PLTP: variants seen among roughly 807,000 people sequenced by gnomAD.
PLTP encodes phospholipid transfer protein.
PLTP carries 43 observed loss-of-function variants against 54.1 expected under a neutral mutation model. The observed-to-expected ratio is 0.79, with a 90% CI of 0.62 to 1.02. PLTP has a LOEUF of 1.02. PLTP is among the 50% of genes least tolerant of loss of function. The probability of loss-of-function intolerance (pLI) is 0.00; values close to 1 mark genes in which losing one functional copy is unlikely to be tolerated. For synonymous variants in PLTP, 263 were observed against 264.6 expected, an observed-to-expected ratio of 0.99 and a Z score of 0.06; for missense variants, 604 against 645.9, an observed-to-expected ratio of 0.94 and a Z score of 0.70.
At chr20:45,899,807 G>GGGCCCGCGCC in intron 13 of PLTP, 29 bp downstream of exon 13, 1 of 1,369,468 alleles carries the variant, frequency 7.3e-7, no homozygotes, top group Non-Finnish European at 1.0e-6. Flanking sequence ...CACGAACCCA[G>GGGCCCGCGCC]CCCAGCCCAC....
In PLTP at chr20:45,899,043, A is replaced by G. The variant is rs767556195; in HGVS notation, c.1380T>C (p.Ala460=). The change falls in exon 16 of 16, where the codon GCT becomes GCC. Residue 460 remains alanine (A), a synonymous_variant. Coordinates refer to ENST00000372431, the MANE Select transcript of PLTP (RefSeq NM_006227.4). ...TNHAGFLTIG[A]DLHFAKGLRE... is the part of the protein sequence containing the mutation. Reference sequence around the variant, plus strand: ...GCAGCCCTTTGGCAAAGTGGAGATCAGCCCCGATGGTGAGGAATCCCTGTG... The same window carrying G: ...GCAGCCCTTTGGCAAAGTGGAGATCGGCCCCGATGGTGAGGAATCCCTGTG... 2.5e-6 allele frequency: 4 copies of G among 1,614,220 alleles called. No individual in the cohort carries two copies. Among genetic ancestry groups the G allele is most frequent in the Non-Finnish European group, 2.5e-6 (3 of 1,180,020 alleles).
At position 45,904,977 on chromosome 20, in the gene PLTP, C is replaced by T. The variant is rs1270877970; in HGVS notation, c.847G>A (p.Ala283Thr). 6.2e-7 allele frequency: 1 copy of T among 1,614,130 alleles called. No homozygotes were observed. Among genetic ancestry groups the T allele is most frequent in the Non-Finnish European group, 8.5e-7 (1 of 1,180,048 alleles). ...FDSAMESYFR[A>T]GALQLLLVGD... The stretch of plus-strand genomic sequence containing the variant: ...ACCAGCAACAGCTGCAGGGCCCCCG[C>T]CCGGAAGTAGCTCTCCATGGCAGAG... The change falls in exon 9 of 16, where the codon GCG (alanine) becomes ACG (threonine). Residue 283 changes from alanine (A) to threonine (T), a missense_variant. Coordinates refer to ENST00000372431, the MANE Select transcript of PLTP (RefSeq NM_006227.4).
intron 8 of PLTP, 51 bp downstream of exon 8, chr20:45,906,217 A>G: frequency 1.6e-6 from 2 of 1,262,090 alleles, no homozygotes; most frequent in Non-Finnish European, 2.3e-6. Flanking sequence ...TTAGCAGAGA[A>G]AGAGGTCTTG....
Position 45,902,524 on chromosome 20 carries a change from G to A in PLTP, c.1023C>T (p.Gly341=). ...APPRCTIKPS[G]TTISVTASVT... ...CGCTAGCAGTGACAGAGATGGTGGT[G>A]CCAGAGGGCTTGATGGTGCAGCGCG... The change falls in exon 11 of 16, where the codon GGC becomes GGT. Residue 341 remains glycine, a synonymous_variant. Coordinates refer to ENST00000372431, the MANE Select transcript of PLTP (RefSeq NM_006227.4). The A allele has an allele frequency of 1.2e-6, 2 of 1,614,164 alleles. No individual in the cohort carries two copies. The highest frequency in any genetic ancestry group is 1.7e-6 in the Non-Finnish European group (2 of 1,179,974).
At chr20:45,909,887 C>T (rs1332018437) in intron 4 of PLTP, 55 bp downstream of exon 4, 4 of 1,605,732 alleles carry the variant, frequency 2.5e-6, no homozygotes, top group Non-Finnish European at 3.4e-6. Flanking sequence ...AGCCCCACAG[C>T]ACCTCCAGCC....
At chr20:45,901,880 C>T (rs1355746927) in intron 12 of PLTP, among the ~76,000 whole-genome samples, 1 of 131,938 alleles carries the variant, frequency 7.6e-6, no homozygotes, top group Non-Finnish European at 1.6e-5. Context: ...GCCTGGGCAA[C>T]AAGAGCGAAA....
At chr20:45,910,951 C>A in intron 3 of PLTP, 12 of 1,451,658 alleles carry the variant, frequency 8.3e-6, no homozygotes, top group Non-Finnish European at 1.1e-5. Flanking sequence ...CAAGGCCACG[C>A]CCATCTGCCT....
intron 12 of PLTP, among the ~76,000 whole-genome samples, chr20:45,900,858 C>T (rs902060122): frequency 2.0e-5 from 3 of 152,170 alleles, no homozygotes; most frequent in Non-Finnish European, 4.4e-5. Context: ...TATTAGTAAA[C>T]TGTTTTAAAA....
At chr20:45,910,523 G>T (rs1039501844) in intron 3 of PLTP, among the ~76,000 whole-genome samples, 5 of 151,458 alleles carry the variant, frequency 3.3e-5, no homozygotes, top group Non-Finnish European at 7.4e-5. Context: ...GCTGAGGCAG[G>T]AAAATCGCTT....
intron 4 of PLTP, 90 bp downstream of exon 4, chr20:45,909,852 C>T: frequency 2.6e-6 from 4 of 1,543,804 alleles, no homozygotes; most frequent in Non-Finnish European, 3.6e-6. Context: ...AACGGAAACT[C>T]AGGAAGGCTA....
In PLTP at chr20:45,909,984, G is replaced by A; in HGVS notation, c.287C>T (p.Ser96Phe). The A allele has an allele frequency of 6.2e-7, 1 of 1,614,104 alleles. No individual in the cohort carries two copies. The highest frequency in any genetic ancestry group is 2.2e-5 in the East Asian group (1 of 44,872). Residue 96 changes from serine to phenylalanine, a missense_variant, in exon 4 of 16, where the codon TCC becomes TTC. By Grantham distance (155) the Ser-to-Phe change is radical. Coordinates refer to ENST00000372431, the MANE Select transcript of PLTP (RefSeq NM_006227.4). ...QELMLQITNA[S>F]LGLRFRRQLL... ...CTGTCTCCGGAAGCGCAGCCCCAAG[G>A]AGGCATTGGTGATTTGAAGCATCAG...
At chr20:45,911,653 T>C in intron 1 of PLTP, 190 bp from the exon 2 acceptor site, 1 of 730,478 alleles carries the variant, frequency 1.4e-6, no homozygotes, top group Non-Finnish European at 2.2e-6. Flanking sequence ...GCGACTTGCG[T>C]TCTGGCTCCC....
rs11569652 is a variant in PLTP at position 45,902,261 on chromosome 20, G to A, written c.1175+6C>T. On this transcript the variant is annotated splice_donor_region_variant and intron_variant, in intron 12 of 15. Transcript: ENST00000372431. The stretch of plus-strand genomic sequence containing the variant: ...CACTGAGGTGCAGGGAAGTGCGCCT[G>A]CCTACCTGCGCAGGTCCAGCTGCGT... The A allele has an allele frequency of 1.2e-6, 2 of 1,613,610 alleles. No homozygotes were observed. The highest frequency in any genetic ancestry group is 3.3e-5 in the Admixed American group (2 of 60,016).
At position 45,899,035 on chromosome 20, in the gene PLTP, T is replaced by A. The variant is rs1234744885; in HGVS notation, c.1388A>T (p.His463Leu). ...CACCTCTCGCAGCCCTTTGGCAAAG[T>A]GGAGATCAGCCCCGATGGTGAGGAA... ...AGFLTIGADL[H>L]FAKGLREVIE... Residue 463 changes from histidine to leucine, a missense_variant, in exon 16 of 16, where the codon CAC becomes CTC. Coordinates refer to ENST00000372431, the MANE Select transcript of PLTP (RefSeq NM_006227.4). 6.2e-7 allele frequency: 1 copy of A among 1,614,124 alleles called. No homozygotes were observed. Among genetic ancestry groups the A allele is most frequent in the Admixed American group, 1.7e-5 (1 of 60,016 alleles).
chr20:45,899,711 G>A (rs747650570), intron 13 of PLTP, 26 bp from the exon 14 acceptor site: 32 of 1,613,878 alleles, frequency 2.0e-5, no homozygotes, highest in Non-Finnish European at 2.7e-5. Context: ...GCGGAAACAG[G>A]GCAGTGAGTC....
intron 8 of PLTP, 148 bp from the exon 9 acceptor site, chr20:45,905,266 T>G: frequency 1.4e-6 from 1 of 698,326 alleles, no homozygotes; most frequent in South Asian, 1.8e-5. Context: ...GCACATCTCT[T>G]AAAAGGCATT....
rs999565072 is a variant in PLTP at position 45,912,078 on chromosome 20, C to G, written c.-12+1G>C. 6.4e-6 allele frequency: 1 copy of G among 155,504 alleles called. No homozygotes were observed. Among genetic ancestry groups the G allele is most frequent in the Non-Finnish European group, 1.4e-5 (1 of 70,102 alleles). 9.6% of individuals were successfully genotyped at this position (155,504 alleles called of 1,614,324 possible). ...CGGGATAGGGACGCGCCCCAACTCA[C>G]TCAGCGGTGGAGCTGGGGGGCGGCG... On this transcript the variant is annotated splice_donor_variant, in intron 1 of 15. Coordinates refer to ENST00000372431, the MANE Select transcript of PLTP (RefSeq NM_006227.4). LOFTEE classifies it low-confidence loss of function (5UTR_SPLICE).
chr20:45,899,096 A>G (rs1219935490), intron 15 of PLTP, 33 bp from the exon 16 acceptor site: 4 of 1,613,898 alleles, frequency 2.5e-6, no homozygotes, highest in Non-Finnish European at 2.5e-6. Context: ...TCATTTATTC[A>G]TTCAGTTATT....
intron 5 of PLTP, among the ~76,000 whole-genome samples, chr20:45,908,487 T>A (rs1028482436): frequency 2.0e-5 from 3 of 151,972 alleles, no homozygotes; most frequent in African/African-American, 7.3e-5. Flanking sequence ...AAGAACAATA[T>A]CCCCTTCTCA....
Sources: gnomAD v4.1 joint callset for allele counts (sites outside exome capture counted in the v4.1 genomes callset) on GRCh38, gnomAD v4.1.1 for gene constraint, MANE v1.5 for transcripts, NCBI Gene and HGNC (gene_info 2026-07-23, HGNC 2026-07-21) for gene names.